The following COL6A6 variants were observed in gnomAD, a reference collection of about 807,000 sequenced individuals.
The protein encoded by COL6A6 is collagen type VI alpha 6 chain.
Under a neutral mutation model 208.6 loss-of-function variants are expected in COL6A6, and 183 were observed. That is an observed-to-expected ratio of 0.88 (90% CI 0.78 to 0.99). The LOEUF is 0.99. Among genes scored for constraint, COL6A6 ranks in the 50% least tolerant of loss-of-function variants. The pLI is 0.00. For synonymous variants in COL6A6, 973 were observed against 1,011.8 expected (o/e 0.96, Z 0.73); for missense variants, 2,816 against 2,815.2 (o/e 1.00, Z -0.01).
At chr3:130,636,255 G>A (rs1237931407) in intron 28 of COL6A6, among the ~76,000 whole-genome samples, 2 of 152,212 alleles carry the variant, frequency 1.3e-5, no homozygotes, top group Admixed American at 6.5e-5. Flanking sequence ...GTGTAACTGA[G>A]TAGGTCTTTA....
intron 8 of COL6A6, 26 bp downstream of exon 8, chr3:130,574,551 C>T (rs760901488): frequency 8.9e-6 from 14 of 1,564,776 alleles, no homozygotes; most frequent in Middle Eastern, 1.7e-4. Flanking sequence ...GTTCTTCATT[C>T]GATTCCCTAC....
At chr3:130,537,598 A>G (rs567644414) in intron 1 of COL6A6, among the ~76,000 whole-genome samples, 1 of 152,314 alleles carries the variant, frequency 6.6e-6, no homozygotes, top group South Asian at 2.1e-4. Flanking sequence ...CAAGCCTAAA[A>G]CTTAGGTGGT....
chr3:130,518,663 T>C (rs1238159487), intron 1 of COL6A6, among the ~76,000 whole-genome samples: 2 of 152,156 alleles, frequency 1.3e-5, no homozygotes, highest in African/African-American at 4.8e-5. Flanking sequence ...TGAGCCACCA[T>C]GCCCGGCTAA....
chr3:130,521,917 C>T lies in COL6A6; in HGVS notation c.-32+4520C>T, dbSNP rs527914658. Among the ~76,000 whole-genome samples the T allele has an allele frequency of 4.6e-5, 7 of 151,354 alleles. No homozygotes were observed. The South Asian group carries it at 1.1e-3, about 23-fold the overall frequency. On this transcript the variant is annotated intron_variant, in intron 1 of 36. Transcript: ENST00000358511. The stretch of plus-strand genomic sequence containing the variant: ...TGCTCATAGTGGTAACCTACCTGCT[C>T]ATTAACATTGACTTTTTTCCCTTCT...
intron 8 of COL6A6, among the ~76,000 whole-genome samples, chr3:130,580,577 A>G (rs1041080958): frequency 2.0e-5 from 3 of 152,230 alleles, no homozygotes; most frequent in African/African-American, 7.2e-5. Context: ...TTGCTGATCT[A>G]AGCAAACCAA....
At chr3:130,621,959 G>A in intron 24 of COL6A6, 76 bp downstream of exon 24, 1 of 1,267,744 alleles carries the variant, frequency 7.9e-7, no homozygotes, top group Non-Finnish European at 1.1e-6. Flanking sequence ...TATTAGCCAG[G>A]GCCCTTTCAA....
intron 24 of COL6A6, among the ~76,000 whole-genome samples, chr3:130,624,911 TG>T (rs1471973897): frequency 6.6e-6 from 1 of 152,188 alleles, no homozygotes; most frequent in East Asian, 1.9e-4. Context: ...GCAAGCAACC[TG>T]GCAGTTAATC....
intron 23 of COL6A6, among the ~76,000 whole-genome samples, chr3:130,614,891 A>T (rs2064469832): frequency 6.7e-6 from 1 of 150,220 alleles, no homozygotes; most frequent in African/African-American, 2.5e-5. Flanking sequence ...GTTTATTTGG[A>T]TCTTCTCTCC....
chr3:130,658,624 G>A, intron 33 of COL6A6, 52 bp from the exon 34 acceptor site: 1 of 1,215,904 alleles, frequency 8.2e-7, no homozygotes, highest in Non-Finnish European at 1.2e-6. Flanking sequence ...GTCCTAAGAG[G>A]TTCTTGCAGC....
At chr3:130,562,302 A>G (rs781108843) in intron 2 of COL6A6, among the ~76,000 whole-genome samples, 4 of 152,242 alleles carry the variant, frequency 2.6e-5, no homozygotes, top group Non-Finnish European at 4.4e-5. Flanking sequence ...TTACATTCCT[A>G]TATAAAACTT....
intron 11 of COL6A6, among the ~76,000 whole-genome samples, chr3:130,587,884 A>G (rs1560031328): frequency 6.6e-6 from 1 of 152,170 alleles, no homozygotes; most frequent in Non-Finnish European, 1.5e-5. Flanking sequence ...TTTCCTGTCG[A>G]CTACTGTTTG....
At chr3:130,646,208 G>T (rs190034686) in intron 32 of COL6A6, among the ~76,000 whole-genome samples, 7 of 152,104 alleles carry the variant, frequency 4.6e-5, no homozygotes, top group South Asian at 2.1e-4. Context: ...ATAATGTAAG[G>T]GGGGGAGATG....
At chr3:130,646,170 G>T (rs1290327638) in intron 32 of COL6A6, among the ~76,000 whole-genome samples, 1 of 152,152 alleles carries the variant, frequency 6.6e-6, no homozygotes, top group East Asian at 1.9e-4. Context: ...AATAGAAAGA[G>T]ATAAAGCATA....
At position 130,568,619 on chromosome 3, in the gene COL6A6, A is replaced by G; in HGVS notation, c.2401+15A>G. 6.3e-7 allele frequency: 1 copy of G among 1,577,498 alleles called. No individual in the cohort carries two copies. Among genetic ancestry groups the G allele is most frequent in the Admixed American group, 1.7e-5 (1 of 58,148 alleles). On this transcript the variant is annotated intron_variant, in intron 6 of 36. Transcript: ENST00000358511. ...CCCCCGTGAAGGTAGGCATGGGCAT[A>G]CTCACTAGCAGGACTATCCGAACAA... is the stretch of plus-strand genomic sequence containing the variant.
At chr3:130,531,056 A>AGTCTCTCTCTCTCTCTCTCTCTCTCTCT in intron 1 of COL6A6, among the ~76,000 whole-genome samples, 1 of 28,070 alleles carries the variant, frequency 3.6e-5, no homozygotes, top group African/African-American at 7.5e-5. Context: ...ACACACACAC[A>AGTCTCTCTCTCTCTCTCTCTCTCTCTCT]CACAGTCTCT....
chr3:130,528,369 A>G (rs1330325887), intron 1 of COL6A6, among the ~76,000 whole-genome samples: 1 of 152,192 alleles, frequency 6.6e-6, no homozygotes, highest in Non-Finnish European at 1.5e-5. Context: ...GTGATCCTGC[A>G]TTTCTGATCC....
chr3:130,556,830 A>G (rs2062777315), intron 1 of COL6A6, among the ~76,000 whole-genome samples: 1 of 152,170 alleles, frequency 6.6e-6, no homozygotes, highest in Non-Finnish European at 1.5e-5. Flanking sequence ...AGCGCTGAAG[A>G]CATGCTCCCT....
intron 1 of COL6A6, among the ~76,000 whole-genome samples, chr3:130,554,210 G>A (rs1296420883): frequency 6.6e-6 from 1 of 152,254 alleles, no homozygotes; most frequent in Admixed American, 6.5e-5. Flanking sequence ...GCATTGGAGT[G>A]CACATTTCTT....
intron 22 of COL6A6, among the ~76,000 whole-genome samples, chr3:130,609,563 A>C (rs978087338): frequency 2.0e-5 from 3 of 152,184 alleles, no homozygotes; most frequent in African/African-American, 7.2e-5. Flanking sequence ...GGCAAAATTT[A>C]GCTAACATAT....
Sources: gnomAD v4.1 joint callset for allele counts (sites outside exome capture counted in the v4.1 genomes callset) on GRCh38, gnomAD v4.1.1 for gene constraint, MANE v1.5 for transcripts, NCBI Gene and HGNC (gene_info 2026-07-23, HGNC 2026-07-21) for gene names.